SSBP2: variants seen among roughly 807,000 people sequenced by gnomAD.
SSBP2 encodes single stranded DNA binding protein 2, also known as single-stranded DNA-binding protein 2.
SSBP2 carries 17 observed loss-of-function variants against 61.8 expected under a neutral mutation model. The observed-to-expected ratio is 0.28, with a 90% confidence interval of 0.19 to 0.41. The LOEUF (loss-of-function observed/expected upper bound fraction) is 0.41, where lower values mean the gene tolerates loss of function less well. Ranked by LOEUF, SSBP2 falls within the 10% of genes least tolerant of loss-of-function variation. The probability of loss-of-function intolerance (pLI) is 1.00; values close to 1 mark genes in which losing one functional copy is unlikely to be tolerated. For synonymous variants in SSBP2, 139 were observed against 141.3 expected (o/e 0.98, Z 0.12); for missense variants, 310 against 458.7 (o/e 0.68, Z 2.96).
chr5:81,456,903 A>C (rs1405701091), intron 10 of SSBP2, among the ~76,000 whole-genome samples: 1 of 152,252 alleles, frequency 6.6e-6, no homozygotes, highest in Non-Finnish European at 1.5e-5. Flanking sequence ...ACTTATAAAC[A>C]TGGAAAGTAG....
intron 5 of SSBP2, among the ~76,000 whole-genome samples, chr5:81,500,347 G>A (rs1294682357): frequency 6.6e-6 from 1 of 152,004 alleles, no homozygotes; most frequent in African/African-American, 2.4e-5. Flanking sequence ...CCAAGTAGCT[G>A]GGACTACAGG....
At chr5:81,677,718 C>A (rs1217843715) in intron 1 of SSBP2, among the ~76,000 whole-genome samples, 2 of 151,716 alleles carry the variant, frequency 1.3e-5, no homozygotes, top group African/African-American at 4.8e-5. Context: ...TCAGGAAGAA[C>A]TATTTTGCCA....
chr5:81,481,972 C>T (rs945629782), intron 6 of SSBP2, among the ~76,000 whole-genome samples: 2 of 151,742 alleles, frequency 1.3e-5, no homozygotes, highest in Non-Finnish European at 2.9e-5. Context: ...GACAGGGTCT[C>T]CCTCTGTTGC....
chr5:81,677,945 T>A (rs1430744457), intron 1 of SSBP2, among the ~76,000 whole-genome samples: 1 of 151,710 alleles, frequency 6.6e-6, no homozygotes, highest in Non-Finnish European at 1.5e-5. Flanking sequence ...ACAACACCAC[T>A]AAGCTACTAA....
intron 4 of SSBP2, among the ~76,000 whole-genome samples, chr5:81,610,819 C>T (rs1209795951): frequency 6.6e-6 from 1 of 152,080 alleles, no homozygotes; most frequent in Non-Finnish European, 1.5e-5. Context: ...CATGGAGAAA[C>T]CCCATCTCTA....
rs545247213 is a variant in SSBP2 at position 81,584,680 on chromosome 5, T to C, written c.282+30793A>G. The stretch of plus-strand genomic sequence containing the variant: ...TCTCAATTATAAAATAGAAGAACTA[T>C]AATGTTTAGCAACAAGAGGACTCTC... On this transcript the variant is annotated intron_variant, in intron 4 of 16. Coordinates refer to ENST00000320672, the MANE Select transcript of SSBP2 (RefSeq NM_012446.5). 2.6e-5 allele frequency among the ~76,000 whole-genome samples: 4 copies of C among 152,220 alleles called. No homozygotes were observed. The East Asian group carries it at 5.8e-4, about 22-fold the overall frequency.
chr5:81,508,382 T>TTACTCATTTG (rs1768341307), intron 5 of SSBP2, among the ~76,000 whole-genome samples: 1 of 152,162 alleles, frequency 6.6e-6, no homozygotes, highest in Non-Finnish European at 1.5e-5. Flanking sequence ...AGACTCCAAG[T>TTACTCATTTG]AAATAACTAC....
intron 4 of SSBP2, among the ~76,000 whole-genome samples, chr5:81,593,700 G>A (rs764122668): frequency 1.1e-4 from 16 of 152,170 alleles, no homozygotes; most frequent in Non-Finnish European, 2.4e-4. Flanking sequence ...CATTCTTAAA[G>A]AAAAGAATTT....
intron 4 of SSBP2, among the ~76,000 whole-genome samples, chr5:81,542,817 T>TTCTCTCTCTCTCTC (rs60252222): frequency 0.032 from 3,404 of 106,506 alleles, 210 homozygotes; most frequent in African/African-American, 0.075. Flanking sequence ...ATTTGACAGT[T>TTCTCTCTCTCTCTC]TCTCTCTCTC....
chr5:81,650,001 T>G (rs917320916), intron 2 of SSBP2, among the ~76,000 whole-genome samples: 1 of 152,070 alleles, frequency 6.6e-6, no homozygotes, highest in Non-Finnish European at 1.5e-5. Flanking sequence ...AAATTTGCTT[T>G]CTTGATTATT....
intron 1 of SSBP2, among the ~76,000 whole-genome samples, chr5:81,720,025 G>A (rs943521163): frequency 2.0e-4 from 31 of 152,042 alleles, no homozygotes; most frequent in African/African-American, 7.5e-4. Context: ...GCTATCTCTG[G>A]GAATTATCCA....
At chr5:81,648,350 T>C (rs760795333) in intron 2 of SSBP2, among the ~76,000 whole-genome samples, 3 of 152,162 alleles carry the variant, frequency 2.0e-5, no homozygotes, top group Admixed American at 6.6e-5. Flanking sequence ...ATTTTTATTA[T>C]ACTGCATATA....
At chr5:81,701,264 A>G (rs1753964602) in intron 1 of SSBP2, among the ~76,000 whole-genome samples, 1 of 152,208 alleles carries the variant, frequency 6.6e-6, no homozygotes, top group Non-Finnish European at 1.5e-5. Context: ...GAACACACAC[A>G]ACATTTATCA....
chr5:81,606,580 C>G (rs1744901018), intron 4 of SSBP2, among the ~76,000 whole-genome samples: 1 of 152,170 alleles, frequency 6.6e-6, no homozygotes, highest in African/African-American at 2.4e-5. Context: ...CTTGACTCTC[C>G]CCATAACTTC....
intron 4 of SSBP2, among the ~76,000 whole-genome samples, chr5:81,535,318 G>A (rs763729891): frequency 3.3e-5 from 5 of 152,006 alleles, no homozygotes; most frequent in African/African-American, 7.2e-5. Context: ...TCATGAATAG[G>A]AAGACTCAAT....
chr5:81,583,876 C>T (rs752463338), intron 4 of SSBP2, among the ~76,000 whole-genome samples: 3 of 152,212 alleles, frequency 2.0e-5, no homozygotes, highest in Non-Finnish European at 4.4e-5. Flanking sequence ...TATTTCAAAT[C>T]TACCTTCATC....
intron 4 of SSBP2, among the ~76,000 whole-genome samples, chr5:81,587,625 G>T (rs1775155495): frequency 6.6e-6 from 1 of 152,136 alleles, no homozygotes; most frequent in African/African-American, 2.4e-5. Context: ...AGCTACTCGG[G>T]AGGCTGAGAC....
At chr5:81,460,675 T>A (rs1764473970) in intron 10 of SSBP2, among the ~76,000 whole-genome samples, 1 of 152,178 alleles carries the variant, frequency 6.6e-6, no homozygotes. Flanking sequence ...ATAATTTGGC[T>A]TCTTCTAACA....
At chr5:81,620,339 G>A (rs1746453739) in intron 3 of SSBP2, among the ~76,000 whole-genome samples, 1 of 127,478 alleles carries the variant, frequency 7.8e-6, no homozygotes, top group Non-Finnish European at 1.7e-5. Flanking sequence ...AATCATGAGT[G>A]AACTCCCATT....
Sources: allele counts gnomAD v4.1 joint callset (sites outside exome capture counted in the v4.1 genomes callset), GRCh38; gene constraint gnomAD v4.1.1; transcripts MANE v1.5; gene names NCBI Gene and HGNC (gene_info 2026-07-23, HGNC 2026-07-21).